Variants in RALYL observed in about 807,000 individuals in gnomAD.
The protein encoded by RALYL is RALY RNA binding protein like, also known as RNA-binding Raly-like protein.
Under a neutral mutation model 35.1 loss-of-function variants are expected in RALYL, and 29 were observed. The observed-to-expected ratio is 0.83, with a 90% CI of 0.61 to 1.13. The LOEUF (loss-of-function observed/expected upper bound fraction) is 1.13. Among genes scored for constraint, RALYL ranks in the 50% most tolerant of loss-of-function variants. RALYL has a pLI of 0.00. For missense variants in RALYL, 359 were observed against 360.4 expected, an observed-to-expected ratio of 1.00 and a Z score of 0.03; for synonymous variants, 120 against 127.6, an observed-to-expected ratio of 0.94 and a Z score of 0.40.
chr8:84,251,524 A>C (rs927503778), intron 1 of RALYL, among the ~76,000 whole-genome samples: 3 of 152,080 alleles, frequency 2.0e-5, no homozygotes, highest in Non-Finnish European at 4.4e-5. Flanking sequence ...TAGAGTCTAG[A>C]GTCTATTTAG....
At chr8:84,904,431 T>G (rs1276370436) in intron 8 of RALYL, among the ~76,000 whole-genome samples, 1 of 152,160 alleles carries the variant, frequency 6.6e-6, no homozygotes, top group Non-Finnish European at 1.5e-5. Context: ...TTTACACAAT[T>G]TTTGTAAGAG....
intron 2 of RALYL, among the ~76,000 whole-genome samples, chr8:84,697,846 T>G (rs1430476270): frequency 6.6e-6 from 1 of 152,114 alleles, no homozygotes; most frequent in Non-Finnish European, 1.5e-5. Context: ...TGTATTCTTT[T>G]TCTGGAGTAT....
chr8:84,775,621 C>T (rs1816658862), intron 3 of RALYL, among the ~76,000 whole-genome samples: 1 of 152,232 alleles, frequency 6.6e-6, no homozygotes. Context: ...TCACTTAACA[C>T]TCTGGTCTTT....
chr8:84,779,686 C>A (rs956768292), intron 3 of RALYL, among the ~76,000 whole-genome samples: 2 of 152,128 alleles, frequency 1.3e-5, no homozygotes. Context: ...GTGGTGGTCA[C>A]CATGAATGTG....
chr8:84,415,080 G>T (rs1354590972), intron 1 of RALYL, among the ~76,000 whole-genome samples: 1 of 151,014 alleles, frequency 6.6e-6, no homozygotes, highest in African/African-American at 2.4e-5. Flanking sequence ...GGACATAAGG[G>T]TTATTGTGAT....
rs57387257 is a variant in RALYL at position 84,223,209 on chromosome 8, C to CTCCCTTCCCTTCCCT, written c.-24+38809_-24+38823dup. ...CCTTCCCTTCCCTTCCCTTCCATTC[C>CTCCCTTCCCTTCCCT]TCCCTTCCCTTCCCTTCCCTTCCCT... is the stretch of plus-strand genomic sequence containing the variant. On this transcript the variant is annotated intron_variant, in intron 1 of 8. Coordinates refer to ENST00000521268, the MANE Select transcript of RALYL (RefSeq NM_173848.7). Among the ~76,000 whole-genome samples the CTCCCTTCCCTTCCCT allele has an allele frequency of 8.2e-3, 732 of 88,802 alleles. 14 individuals are homozygous for CTCCCTTCCCTTCCCT. Among genetic ancestry groups the CTCCCTTCCCTTCCCT allele is most frequent in the African/African-American group, 0.017 (306 of 17,848 alleles). The allele number at this position is 88,802 out of a possible 152,430, so 58.3% of individuals were successfully genotyped here. A position where few individuals can be genotyped will look rare whatever the true frequency, so the allele number is the denominator to read the frequency against.
At chr8:84,844,805 C>T (rs889489093) in intron 4 of RALYL, among the ~76,000 whole-genome samples, 7 of 152,150 alleles carry the variant, frequency 4.6e-5, no homozygotes, top group African/African-American at 1.2e-4. Flanking sequence ...ATAATGAGTT[C>T]GTGTCCTTTG....
At chr8:84,616,586 C>T (rs1588531828) in intron 2 of RALYL, among the ~76,000 whole-genome samples, 2 of 149,392 alleles carry the variant, frequency 1.3e-5, no homozygotes, top group African/African-American at 2.5e-5. Flanking sequence ...TGCAGAAGCT[C>T]TTTAGTTTAA....
At chr8:84,552,339 TATATATATATATATA>T (rs2060785672) in intron 2 of RALYL, among the ~76,000 whole-genome samples, 1 of 66,250 alleles carries the variant, frequency 1.5e-5, no homozygotes, top group Admixed American at 1.5e-4. Context: ...GATGTGTGTG[TATATATATATATATA>T]TATATTTTTT....
At chr8:84,919,707 T>G (rs563469472) in intron 8 of RALYL, among the ~76,000 whole-genome samples, 9 of 152,128 alleles carry the variant, frequency 5.9e-5, no homozygotes, top group African/African-American at 2.2e-4. Context: ...AAATGTCTTA[T>G]TCATGAAAGC....
chr8:84,303,282 A>C (rs1398505088), intron 1 of RALYL, among the ~76,000 whole-genome samples: 1 of 152,214 alleles, frequency 6.6e-6, no homozygotes, highest in East Asian at 1.9e-4. Context: ...GAGTTGGATA[A>C]AATTTGTCTG....
chr8:84,523,389 G>A (rs1448546056), intron 1 of RALYL, among the ~76,000 whole-genome samples: 2 of 152,130 alleles, frequency 1.3e-5, no homozygotes, highest in African/African-American at 2.4e-5. Context: ...ACCTCCCACT[G>A]GGTCCCTCCC....
At chr8:84,859,098 G>C (rs1267451267) in intron 5 of RALYL, among the ~76,000 whole-genome samples, 1 of 152,146 alleles carries the variant, frequency 6.6e-6, no homozygotes, top group South Asian at 2.1e-4. Context: ...GGAGCCAACC[G>C]AGCATAAGGG....
intron 1 of RALYL, among the ~76,000 whole-genome samples, chr8:84,309,619 T>C (rs1842382241): frequency 6.6e-6 from 1 of 152,066 alleles, no homozygotes. Flanking sequence ...AACTATCTTC[T>C]ATTAGTAAAA....
intron 1 of RALYL, among the ~76,000 whole-genome samples, chr8:84,379,462 A>G (rs1857524505): frequency 6.6e-6 from 1 of 151,912 alleles, no homozygotes; most frequent in African/African-American, 2.4e-5. Flanking sequence ...TCATATTACT[A>G]TGATAGTATG....
chr8:84,197,317 TTTC>T (rs1188744881), intron 1 of RALYL, among the ~76,000 whole-genome samples: 1 of 152,210 alleles, frequency 6.6e-6, no homozygotes, highest in East Asian at 1.9e-4. Context: ...CCCACATTCT[TTTC>T]TTCTTATCAG....
At chr8:84,575,180 C>T (rs1330387627) in intron 2 of RALYL, among the ~76,000 whole-genome samples, 2 of 152,046 alleles carry the variant, frequency 1.3e-5, no homozygotes, top group South Asian at 2.1e-4. Context: ...CCATTAAAAC[C>T]CCCACATGTG....
chr8:84,674,730 G>A (rs1285615322), intron 2 of RALYL, among the ~76,000 whole-genome samples: 1 of 152,134 alleles, frequency 6.6e-6, no homozygotes, highest in African/African-American at 2.4e-5. Context: ...AGCATATGGA[G>A]AATACTCAAT....
chr8:84,517,003 T>C (rs1167634747), intron 1 of RALYL, among the ~76,000 whole-genome samples: 2 of 152,192 alleles, frequency 1.3e-5, no homozygotes, highest in African/African-American at 4.8e-5. Context: ...GAATCTGACC[T>C]CTCCTGAGTA....
Sources: gnomAD v4.1 joint callset for allele counts (sites outside exome capture counted in the v4.1 genomes callset) on GRCh38, gnomAD v4.1.1 for gene constraint, MANE v1.5 for transcripts, NCBI Gene and HGNC (gene_info 2026-07-23, HGNC 2026-07-21) for gene names.